Variants in ARK2N observed in about 807,000 individuals in gnomAD.
ARK2N encodes arkadia (RNF111) N-terminal like PKA signaling regulator 2N.
the ARK2N span, among the ~76,000 whole-genome samples, chr18:46,253,285 A>C: frequency 6.6e-6 from 1 of 151,924 alleles, no homozygotes; most frequent in African/African-American, 2.4e-5. Flanking sequence ...AGAGAGCCCC[A>C]CTGCCTTCTA....
chr18:46,195,908 A>G, the ARK2N span, among the ~76,000 whole-genome samples: 1 of 151,526 alleles, frequency 6.6e-6, no homozygotes, highest in Non-Finnish European at 1.5e-5. Flanking sequence ...CAACCATTAT[A>G]CCATTGTCAT....
At chr18:46,216,675 T>C in the ARK2N span, 1 of 1,278,386 alleles carries the variant, frequency 7.8e-7, no homozygotes, top group East Asian at 2.5e-5. This position sits in a 1 kb window ranked among gnomAD's most constrained non-coding sequence, Gnocchi z 4.3. Flanking sequence ...TGAGTGACAC[T>C]TGAAAAAATC....
At chr18:46,213,386 T>TC in the ARK2N span, among the ~76,000 whole-genome samples, 35 of 151,984 alleles carry the variant, frequency 2.3e-4, no homozygotes, top group African/African-American at 3.9e-4. Flanking sequence ...AAAATCTTTG[T>TC]CCCCCCCACT....
the ARK2N span, among the ~76,000 whole-genome samples, chr18:46,226,844 G>T: frequency 4.9e-5 from 6 of 123,518 alleles, no homozygotes; most frequent in Admixed American, 9.2e-5. Context: ...TTTCGCTCTT[G>T]TTGCCCAGGC....
At chr18:46,205,328 T>C in the ARK2N span, among the ~76,000 whole-genome samples, 1 of 152,230 alleles carries the variant, frequency 6.6e-6, no homozygotes, top group East Asian at 1.9e-4. Flanking sequence ...TATTGAGTGC[T>C]TAATGATTTT....
chr18:46,232,577 AG>A, the ARK2N span: 1 of 152,304 alleles, frequency 6.6e-6, no homozygotes, highest in Admixed American at 6.5e-5. Context: ...TGTAAGTAAC[AG>A]GGAATAACTT....
At chr18:46,211,354 T>C in the ARK2N span, among the ~76,000 whole-genome samples, 56 of 152,268 alleles carry the variant, frequency 3.7e-4, no homozygotes, top group African/African-American at 1.3e-3. Context: ...AACCACAGCA[T>C]GTGCCACCAT....
chr18:46,189,763 C>T, the ARK2N span, among the ~76,000 whole-genome samples: 1 of 152,116 alleles, frequency 6.6e-6, no homozygotes, highest in East Asian at 1.9e-4. Flanking sequence ...ACTTGGGACA[C>T]CAAGGTGGGC....
the ARK2N span, among the ~76,000 whole-genome samples, chr18:46,246,124 A>G: frequency 6.6e-6 from 1 of 152,290 alleles, no homozygotes. Flanking sequence ...TTAGAACTGG[A>G]AAAGATTACT....
At chr18:46,190,486 C>A in the ARK2N span, among the ~76,000 whole-genome samples, 1 of 149,112 alleles carries the variant, frequency 6.7e-6, no homozygotes, top group Non-Finnish European at 1.5e-5. Flanking sequence ...GAAACTCTGT[C>A]CCCCGGCCCC....
chr18:46,251,851 T>C, the ARK2N span, among the ~76,000 whole-genome samples: 11 of 148,908 alleles, frequency 7.4e-5, no homozygotes, highest in African/African-American at 2.5e-4. Context: ...TTTGAGACTG[T>C]CTGTAGCTTC....
chr18:46,184,164 G>T, the ARK2N span, among the ~76,000 whole-genome samples: 1 of 152,064 alleles, frequency 6.6e-6, no homozygotes, highest in African/African-American at 2.4e-5. Flanking sequence ...CTAATTTTTG[G>T]TATTTTTAGT....
chr18:46,262,246 G>A, the ARK2N span, among the ~76,000 whole-genome samples: 2 of 152,194 alleles, frequency 1.3e-5, no homozygotes, highest in African/African-American at 4.8e-5. Context: ...AACTCTTGGT[G>A]TGACTTGCTA....
At chr18:46,248,259 A>G in the ARK2N span, among the ~76,000 whole-genome samples, 18 of 152,216 alleles carry the variant, frequency 1.2e-4, no homozygotes, top group Non-Finnish European at 1.9e-4. Flanking sequence ...AGAAGACTGC[A>G]GGGGAGACAA....
chr18:46,235,184 T>C, the ARK2N span, among the ~76,000 whole-genome samples: 1 of 152,264 alleles, frequency 6.6e-6, no homozygotes, highest in Admixed American at 6.5e-5. Context: ...CAGAGCAATT[T>C]CCATTTGGCT....
At chr18:46,211,235 G>T in the ARK2N span, among the ~76,000 whole-genome samples, 1 of 152,176 alleles carries the variant, frequency 6.6e-6, no homozygotes, top group South Asian at 2.1e-4. Context: ...TTGAGACAGG[G>T]TCTTGCTCTG....
At chr18:46,177,274 G>C in the ARK2N span, among the ~76,000 whole-genome samples, 1 of 151,968 alleles carries the variant, frequency 6.6e-6, no homozygotes, top group Non-Finnish European at 1.5e-5. Flanking sequence ...ATTTGTAAGG[G>C]GCTGGGCACA....
At chr18:46,176,130 C>CT in the ARK2N span, among the ~76,000 whole-genome samples, 1 of 152,180 alleles carries the variant, frequency 6.6e-6, no homozygotes, top group Non-Finnish European at 1.5e-5. Context: ...GATATTGGTA[C>CT]TTTCAGTCTC....
chr18:46,216,101 C>T, the ARK2N span: 1 of 1,614,158 alleles, frequency 6.2e-7, no homozygotes, highest in Non-Finnish European at 8.5e-7. The surrounding 1 kb of genome is among the most constrained non-coding windows in gnomAD (Gnocchi z 4.3). Flanking sequence ...TTAGCATCCA[C>T]AGAGAGTGAC....
Sources: allele counts gnomAD v4.1 joint callset (sites outside exome capture counted in the v4.1 genomes callset), GRCh38; gene constraint gnomAD v4.1.1; non-coding constraint Gnocchi (gnomAD v3.1); transcripts MANE v1.5; gene names NCBI Gene and HGNC (gene_info 2026-07-23, HGNC 2026-07-21).